The following TAF4B variants were observed in gnomAD, a reference collection of about 807,000 sequenced individuals.
The protein encoded by TAF4B is transcription initiation factor TFIID subunit 4B.
Under a neutral mutation model 86.4 loss-of-function variants are expected in TAF4B, and 38 were observed. The observed-to-expected ratio is 0.44, with a 90% CI of 0.34 to 0.58. The LOEUF (loss-of-function observed/expected upper bound fraction) is 0.58, where lower values mean the gene tolerates loss of function less well. Among genes scored for constraint, TAF4B ranks in the 20% least tolerant of loss-of-function variants. The pLI is 0.02. For missense variants in TAF4B, 988 were observed against 1,027.6 expected, an observed-to-expected ratio of 0.96 and a Z score of 0.53; for synonymous variants, 388 against 391.2, an observed-to-expected ratio of 0.99 and a Z score of 0.10.
In TAF4B at chr18:26,249,533, G is replaced by GTAGCA. The variant is rs2055973735; in HGVS notation, c.344-15636_344-15632dup. On this transcript the variant is annotated intron_variant, in intron 1 of 14. Coordinates refer to ENST00000269142, the MANE Select transcript of TAF4B (RefSeq NM_005640.3). ...GAGTGCTGAAACATTTAATAAAGGT[G>GTAGCA]TAGCACCAATGAAATTAAGATATAG... Among the ~76,000 whole-genome samples the GTAGCA allele has an allele frequency of 2.0e-5, 3 of 151,866 alleles. No individual in the cohort carries two copies. In the South Asian group the frequency reaches 6.2e-4, roughly 31 times the overall value.
At chr18:26,359,422 G>GA (rs891615000) in intron 14 of TAF4B, among the ~76,000 whole-genome samples, 2 of 152,050 alleles carry the variant, frequency 1.3e-5, no homozygotes, top group African/African-American at 2.4e-5. Context: ...AACTCTATGG[G>GA]AAAAAATTCA....
intron 6 of TAF4B, among the ~76,000 whole-genome samples, chr18:26,282,403 T>G (rs572009934): frequency 6.6e-6 from 1 of 152,350 alleles, no homozygotes; most frequent in South Asian, 2.1e-4. Context: ...ATATGAAATT[T>G]TTGGTTTCCA....
chr18:26,290,232 T>G (rs2056575484), intron 7 of TAF4B, among the ~76,000 whole-genome samples: 1 of 152,156 alleles, frequency 6.6e-6, no homozygotes, highest in Admixed American at 6.5e-5. Context: ...CTCGATCTCC[T>G]GGGCTCAAGC....
intron 1 of TAF4B, among the ~76,000 whole-genome samples, chr18:26,246,436 G>T (rs1046208974): frequency 6.6e-6 from 1 of 152,180 alleles, no homozygotes; most frequent in African/African-American, 2.4e-5. Flanking sequence ...ATGTAATAGA[G>T]TGTAGCAACA....
At chr18:26,338,927 C>T (rs1411743014) in intron 13 of TAF4B, among the ~76,000 whole-genome samples, 1 of 152,088 alleles carries the variant, frequency 6.6e-6, no homozygotes, top group African/African-American at 2.4e-5. Flanking sequence ...CGACTTCTAC[C>T]AATTTTGTCA....
chr18:26,290,063 T>G (rs1286242525), intron 7 of TAF4B, among the ~76,000 whole-genome samples: 1 of 152,176 alleles, frequency 6.6e-6, no homozygotes, highest in Non-Finnish European at 1.5e-5. Flanking sequence ...TAATTGGTAA[T>G]GGAGCATTGC....
intron 13 of TAF4B, among the ~76,000 whole-genome samples, chr18:26,350,289 A>G (rs1001227077): frequency 3.3e-5 from 5 of 152,234 alleles, no homozygotes; most frequent in Non-Finnish European, 5.9e-5. Context: ...ATGGGGGGAA[A>G]TATTTGCAAA....
chr18:26,259,973 A>C (rs2056141092), intron 1 of TAF4B, among the ~76,000 whole-genome samples: 1 of 152,154 alleles, frequency 6.6e-6, no homozygotes. Flanking sequence ...AATGATTGCC[A>C]TTCTAACTGG....
intron 10 of TAF4B, among the ~76,000 whole-genome samples, chr18:26,320,515 T>C (rs750090216): frequency 2.0e-4 from 31 of 152,272 alleles, no homozygotes; most frequent in Non-Finnish European, 3.5e-4. Context: ...TTGAACCCAT[T>C]TGAACTTGTA....
chr18:26,305,245 A>G (rs1177837348), intron 9 of TAF4B, among the ~76,000 whole-genome samples: 3 of 152,254 alleles, frequency 2.0e-5, no homozygotes, highest in East Asian at 3.9e-4. Flanking sequence ...ATTTTTGTAA[A>G]TGTGTGAGGC....
intron 3 of TAF4B, among the ~76,000 whole-genome samples, chr18:26,273,394 G>A (rs1300486859): frequency 2.6e-5 from 4 of 151,982 alleles, no homozygotes; most frequent in Non-Finnish European, 5.9e-5. Flanking sequence ...GACTACATGT[G>A]ATATGTACAC....
chr18:26,355,316 C>G (rs1211276658), intron 13 of TAF4B, among the ~76,000 whole-genome samples: 1 of 152,116 alleles, frequency 6.6e-6, no homozygotes, highest in Non-Finnish European at 1.5e-5. Context: ...CACAGATAAT[C>G]GTATCATTTG....
Position 26,226,812 on chromosome 18 carries a change from C to A in TAF4B, c.-122C>A. On this transcript the variant is annotated 5_prime_UTR_variant, in exon 1 of 15. Transcript: ENST00000269142. The stretch of plus-strand genomic sequence containing the variant: ...ACTGACTTCGCTGCTGCGGCCCCCG[C>A]GCCTCTCCCCAGCGATGCTGTGGAA... The A allele has an allele frequency of 1.3e-6, 1 of 754,978 alleles. No homozygotes were observed. The highest frequency in any genetic ancestry group is 1.9e-6 in the Non-Finnish European group (1 of 534,390). The allele number at this position is 754,978 out of a possible 1,614,324, so 46.8% of individuals were successfully genotyped here. A position where few individuals can be genotyped will look rare whatever the true frequency, so the allele number is the denominator to read the frequency against.
At chr18:26,234,962 G>A (rs189066694) in intron 1 of TAF4B, among the ~76,000 whole-genome samples, 5 of 152,132 alleles carry the variant, frequency 3.3e-5, no homozygotes, top group Admixed American at 3.3e-4. Context: ...GATGGCCACC[G>A]CTGCAACTAC....
At chr18:26,289,732 G>A (rs933411320) in intron 7 of TAF4B, among the ~76,000 whole-genome samples, 1 of 152,114 alleles carries the variant, frequency 6.6e-6, no homozygotes, top group Non-Finnish European at 1.5e-5. Context: ...CAAGTGATCC[G>A]CTTAGTACTA....
chr18:26,356,099 G>A (rs941473018), intron 13 of TAF4B, among the ~76,000 whole-genome samples: 1 of 152,138 alleles, frequency 6.6e-6, no homozygotes, highest in African/African-American at 2.4e-5. Flanking sequence ...ATTTCTCACA[G>A]TTATAGAGGC....
chr18:26,361,454 TGGAAAAACTGGCCAGGC>T (rs1489635421), intron 14 of TAF4B, among the ~76,000 whole-genome samples: 8 of 151,436 alleles, frequency 5.3e-5, no homozygotes, highest in Non-Finnish European at 1.2e-4. Flanking sequence ...TTTGAAATTA[TGGAAAAACTGGCCAGGC>T]ATGATGGCTC....
rs2055603903 is a variant in TAF4B, at chr18:26,227,955, T to G, written c.343+679T>G. Among the ~76,000 whole-genome samples the G allele has an allele frequency of 2.0e-5, 3 of 152,244 alleles. No homozygotes were observed. In the South Asian group the frequency reaches 6.2e-4, roughly 31 times the overall value. ...CTTTAAATGTCTTATGATTCTAACT[T>G]TCAATTAGCAGAACCCCTGACTGGG... is the stretch of plus-strand genomic sequence containing the variant. On this transcript the variant is annotated intron_variant, in intron 1 of 14. Coordinates refer to ENST00000269142, the MANE Select transcript of TAF4B (RefSeq NM_005640.3).
At chr18:26,302,371 ATTTTTTTT>A (rs66683595) in intron 9 of TAF4B, among the ~76,000 whole-genome samples, 10 of 93,076 alleles carry the variant, frequency 1.1e-4, no homozygotes, top group Admixed American at 7.0e-4. Context: ...TTCATATTAA[ATTTTTTTT>A]TTTTTTTTTT....
Sources: gnomAD v4.1 joint callset for allele counts (sites outside exome capture counted in the v4.1 genomes callset) on GRCh38, gnomAD v4.1.1 for gene constraint, MANE v1.5 for transcripts, NCBI Gene and HGNC (gene_info 2026-07-23, HGNC 2026-07-21) for gene names.